CIMIP2C: variants seen among roughly 807,000 people sequenced by gnomAD.
CIMIP2C encodes the protein UPF0573 protein C2orf70.
the CIMIP2C span, among the ~76,000 whole-genome samples, chr2:26,567,479 A>G: frequency 6.6e-6 from 1 of 152,190 alleles, no homozygotes; most frequent in South Asian, 2.1e-4. Flanking sequence ...TAAATTACCC[A>G]GTTTGGGGCA....
At chr2:26,565,556 G>T in the CIMIP2C span, among the ~76,000 whole-genome samples, 1 of 152,132 alleles carries the variant, frequency 6.6e-6, no homozygotes. Context: ...CCCTCATTTA[G>T]CAGGGAGGGA....
At chr2:26,572,258 A>G in the CIMIP2C span, 1 of 1,111,166 alleles carries the variant, frequency 9.0e-7, no homozygotes, top group East Asian at 2.9e-5. Flanking sequence ...TGTAACTAGC[A>G]TTCACCTAGT....
At chr2:26,578,870 G>A in the CIMIP2C span, 2 of 472,000 alleles carry the variant, frequency 4.2e-6, no homozygotes, top group Non-Finnish European at 8.8e-6. Context: ...GACAGGCCTG[G>A]GGCAAGCCCC....
chr2:26,576,232 G>C, the CIMIP2C span: 21 of 1,560,682 alleles, frequency 1.3e-5, no homozygotes, highest in Non-Finnish European at 1.7e-5. Flanking sequence ...CCCCCACCAC[G>C]GGAAGGGAGT....
At chr2:26,573,894 G>C in the CIMIP2C span, among the ~76,000 whole-genome samples, 1 of 152,234 alleles carries the variant, frequency 6.6e-6, no homozygotes, top group Non-Finnish European at 1.5e-5. Flanking sequence ...AACTGTTGAG[G>C]GTGGTGGGAC....
the CIMIP2C span, among the ~76,000 whole-genome samples, chr2:26,570,877 G>A: frequency 6.6e-6 from 1 of 152,166 alleles, no homozygotes; most frequent in Non-Finnish European, 1.5e-5. Context: ...GCAGTGGGAT[G>A]GAGGAGGGCC....
the CIMIP2C span, among the ~76,000 whole-genome samples, chr2:26,570,024 TA>T: frequency 6.6e-6 from 1 of 152,166 alleles, no homozygotes; most frequent in Non-Finnish European, 1.5e-5. Context: ...CACTGAGTGC[TA>T]AAGAATGTGA....
At chr2:26,578,109 A>C in the CIMIP2C span, 4 of 157,410 alleles carry the variant, frequency 2.5e-5, no homozygotes, top group African/African-American at 7.2e-5. Flanking sequence ...CTAAATAGGA[A>C]AGTTCCTTGC....
chr2:26,576,088 CA>C, the CIMIP2C span: 2 of 1,614,226 alleles, frequency 1.2e-6, no homozygotes. Context: ...AGCGCGCCAG[CA>C]CCCGGGACCG....
At chr2:26,564,800 T>C in the CIMIP2C span, among the ~76,000 whole-genome samples, 1 of 152,180 alleles carries the variant, frequency 6.6e-6, no homozygotes, top group Non-Finnish European at 1.5e-5. Flanking sequence ...GAGGCGAGAA[T>C]ATTCATGCTG....
the CIMIP2C span, among the ~76,000 whole-genome samples, chr2:26,565,852 C>T: frequency 6.6e-6 from 1 of 152,254 alleles, no homozygotes. Flanking sequence ...CAAAGCTGGT[C>T]TTCAGCCTCG....
the CIMIP2C span, among the ~76,000 whole-genome samples, chr2:26,567,659 G>A: frequency 6.6e-6 from 1 of 152,200 alleles, no homozygotes; most frequent in Non-Finnish European, 1.5e-5. Flanking sequence ...CACCCGAGGT[G>A]CAGCCCTCCA....
the CIMIP2C span, chr2:26,578,889 G>A: frequency 2.3e-5 from 11 of 472,378 alleles, no homozygotes; most frequent in South Asian, 7.7e-5. Flanking sequence ...CCTCCCTCCC[G>A]GAATCCCCTC....
chr2:26,564,333 C>T, the CIMIP2C span, among the ~76,000 whole-genome samples: 1 of 152,234 alleles, frequency 6.6e-6, no homozygotes, highest in African/African-American at 2.4e-5. Context: ...CCACAGTTCC[C>T]CAACTCTGTT....
chr2:26,563,884 C>T, the CIMIP2C span, among the ~76,000 whole-genome samples: 2 of 152,140 alleles, frequency 1.3e-5, no homozygotes, highest in African/African-American at 4.8e-5. Flanking sequence ...TGGATGCGAC[C>T]TCTCTCTGGG....
the CIMIP2C span, among the ~76,000 whole-genome samples, chr2:26,569,341 G>A: frequency 6.6e-6 from 1 of 152,170 alleles, no homozygotes; most frequent in East Asian, 1.9e-4. Context: ...AGTGGATGAT[G>A]CGGCTGGAAA....
the CIMIP2C span, chr2:26,577,691 C>T: frequency 4.9e-6 from 6 of 1,221,206 alleles, no homozygotes; most frequent in Admixed American, 1.8e-5. Flanking sequence ...CACCTGCTCT[C>T]GGCCAGGCAT....
the CIMIP2C span, chr2:26,577,720 G>A: frequency 2.2e-6 from 2 of 901,168 alleles, no homozygotes; most frequent in African/African-American, 1.7e-5. Context: ...CACAGACTGA[G>A]AAATGAGTTG....
At chr2:26,567,504 C>T in the CIMIP2C span, among the ~76,000 whole-genome samples, 2 of 152,198 alleles carry the variant, frequency 1.3e-5, no homozygotes, top group African/African-American at 2.4e-5. Flanking sequence ...TTCTTAGCAG[C>T]GTGGGAACAG....
Sources: gnomAD v4.1 joint callset for allele counts (sites outside exome capture counted in the v4.1 genomes callset) on GRCh38, gnomAD v4.1.1 for gene constraint, MANE v1.5 for transcripts, NCBI Gene and HGNC (gene_info 2026-07-23, HGNC 2026-07-21) for gene names.